HYCC2: variants seen among roughly 807,000 people sequenced by gnomAD.
HYCC2 encodes the protein hyccin 2.
the HYCC2 span, chr2:201,022,628 A>C: frequency 2.3e-6 from 1 of 428,310 alleles, no homozygotes; most frequent in Non-Finnish European, 4.1e-6. Context: ...TGCACACTCA[A>C]CAGGAAAAAA....
the HYCC2 span, among the ~76,000 whole-genome samples, chr2:201,008,802 G>A: frequency 1.2e-4 from 18 of 152,174 alleles, no homozygotes; most frequent in Non-Finnish European, 2.5e-4. Context: ...GAAAGCTGAG[G>A]TGGGAAGATC....
At chr2:201,053,236 C>T in the HYCC2 span, among the ~76,000 whole-genome samples, 1 of 152,196 alleles carries the variant, frequency 6.6e-6, no homozygotes, top group East Asian at 1.9e-4. Context: ...GATTCTCCAG[C>T]CTCGGCCTCT....
chr2:201,047,765 A>C, the HYCC2 span, among the ~76,000 whole-genome samples: 11 of 151,724 alleles, frequency 7.3e-5, no homozygotes, highest in Non-Finnish European at 1.3e-4. Context: ...CTCAACAGAA[A>C]CAACAGAAGC....
the HYCC2 span, among the ~76,000 whole-genome samples, chr2:201,048,767 T>G: frequency 6.6e-6 from 1 of 152,104 alleles, no homozygotes; most frequent in Admixed American, 6.6e-5. Context: ...TAAAGTAATA[T>G]TAATGAAGGG....
At chr2:201,008,541 C>T in the HYCC2 span, among the ~76,000 whole-genome samples, 2 of 152,134 alleles carry the variant, frequency 1.3e-5, no homozygotes, top group African/African-American at 4.8e-5. Flanking sequence ...GGGAGGATCA[C>T]GTTGAGGCCA....
chr2:201,041,719 A>G, the HYCC2 span, among the ~76,000 whole-genome samples: 1 of 152,158 alleles, frequency 6.6e-6, no homozygotes, highest in Admixed American at 6.5e-5. Context: ...TGCATTGCTC[A>G]CTACTATGCA....
At chr2:201,042,754 C>A in the HYCC2 span, among the ~76,000 whole-genome samples, 1 of 150,038 alleles carries the variant, frequency 6.7e-6, no homozygotes, top group Non-Finnish European at 1.5e-5. Flanking sequence ...GGGCAGCCCC[C>A]GCCCGCCGCC....
At chr2:200,977,134 A>C in the HYCC2 span, 2 of 152,230 alleles carry the variant, frequency 1.3e-5, no homozygotes, top group Admixed American at 1.3e-4. Flanking sequence ...GATATACTTA[A>C]CATTTCCAAC....
At chr2:201,011,434 A>C in the HYCC2 span, 9 of 1,584,782 alleles carry the variant, frequency 5.7e-6, no homozygotes, top group African/African-American at 1.4e-5. Flanking sequence ...GGATAGTGAA[A>C]GACAGAACTT....
chr2:201,005,147 TA>T, the HYCC2 span, among the ~76,000 whole-genome samples: 99 of 151,680 alleles, frequency 6.5e-4, no homozygotes, highest in African/African-American at 2.3e-3. Context: ...TCAAATGAGA[TA>T]TTTTTGGTCT....
the HYCC2 span, among the ~76,000 whole-genome samples, chr2:201,021,268 G>C: frequency 6.6e-6 from 1 of 152,016 alleles, no homozygotes; most frequent in Non-Finnish European, 1.5e-5. Context: ...TGAACACATG[G>C]TTAGAGCCTT....
chr2:200,985,532 G>A, the HYCC2 span, among the ~76,000 whole-genome samples: 372 of 152,038 alleles, frequency 2.4e-3, 1 homozygote, highest in African/African-American at 8.1e-3. Flanking sequence ...CTGTGGTGGC[G>A]TGCCTGTAGT....
At chr2:201,035,425 G>A in the HYCC2 span, among the ~76,000 whole-genome samples, 15 of 152,174 alleles carry the variant, frequency 9.9e-5, no homozygotes, top group African/African-American at 3.1e-4. Context: ...TCGTCACGTC[G>A]TTCTCGTGCC....
At chr2:201,029,617 A>T in the HYCC2 span, among the ~76,000 whole-genome samples, 1 of 152,226 alleles carries the variant, frequency 6.6e-6, no homozygotes, top group Non-Finnish European at 1.5e-5. Flanking sequence ...GGATGAGTTC[A>T]TGTCTTTTGT....
the HYCC2 span, among the ~76,000 whole-genome samples, chr2:201,025,496 C>A: frequency 6.6e-6 from 1 of 151,732 alleles, no homozygotes; most frequent in East Asian, 1.9e-4. Flanking sequence ...AAGAAAGACA[C>A]AGAAGTACAA....
At chr2:201,002,881 G>A in the HYCC2 span, among the ~76,000 whole-genome samples, 7 of 152,050 alleles carry the variant, frequency 4.6e-5, no homozygotes, top group Admixed American at 2.0e-4. Context: ...GATACTTTTC[G>A]TGCTCTCACG....
At chr2:200,988,396 A>G in the HYCC2 span, 1 of 1,612,812 alleles carries the variant, frequency 6.2e-7, no homozygotes, top group Non-Finnish European at 8.5e-7. Flanking sequence ...ATCAAATGGT[A>G]ATGAGTTTTT....
At chr2:201,022,861 G>C in the HYCC2 span, 1 of 1,611,650 alleles carries the variant, frequency 6.2e-7, no homozygotes. Flanking sequence ...TAACTTTATA[G>C]AGGGCTGGTA....
chr2:201,053,183 C>T, the HYCC2 span, among the ~76,000 whole-genome samples: 27 of 151,804 alleles, frequency 1.8e-4, no homozygotes, highest in African/African-American at 5.6e-4. Flanking sequence ...AGCACAATGG[C>T]GCAATCTCCA....
Sources: gnomAD v4.1 joint callset for allele counts (sites outside exome capture counted in the v4.1 genomes callset) on GRCh38, gnomAD v4.1.1 for gene constraint, MANE v1.5 for transcripts, NCBI Gene and HGNC (gene_info 2026-07-23, HGNC 2026-07-21) for gene names.